Variants in HYDIN observed in about 807,000 individuals in gnomAD.
HYDIN encodes HYDIN axonemal central pair apparatus protein, also known as axonemal central pair apparatus protein HYDIN.
A neutral mutation model predicts 403.9 loss-of-function variants in HYDIN; 132 were observed. The observed-to-expected ratio is 0.33, with a 90% CI of 0.28 to 0.38. The LOEUF (loss-of-function observed/expected upper bound fraction) is 0.38. HYDIN is among the 10% of genes least tolerant of loss of function. The pLI, the probability that HYDIN is intolerant of heterozygous loss-of-function variation, is 1.00. For synonymous variants in HYDIN, 1,202 were observed against 1,891.7 expected (o/e 0.64, Z 9.46); for missense variants, 2,827 against 5,009.5 (o/e 0.56, Z 13.15).
chr16:71,074,126 C>A (rs2144320122), intron 13 of HYDIN, among the ~76,000 whole-genome samples: 1 of 152,288 alleles, frequency 6.6e-6, no homozygotes, highest in South Asian at 2.1e-4. Flanking sequence ...AGGGATAATA[C>A]TGTCAACTTT....
At chr16:71,061,809 C>T (rs1281611487) in intron 17 of HYDIN, among the ~76,000 whole-genome samples, 1 of 150,488 alleles carries the variant, frequency 6.6e-6, no homozygotes, top group Non-Finnish European at 1.5e-5. Context: ...TGGCTTCCTC[C>T]CCTCAGAGTT....
intron 18 of HYDIN, among the ~76,000 whole-genome samples, chr16:71,040,366 C>T (rs996346709): frequency 2.7e-5 from 4 of 147,596 alleles, no homozygotes; most frequent in African/African-American, 9.9e-5. Context: ...TCCTGCTGCT[C>T]TCCTGCTGGG....
At chr16:71,063,615 G>A (rs2082161220) in intron 16 of HYDIN, among the ~76,000 whole-genome samples, 1 of 152,168 alleles carries the variant, frequency 6.6e-6, no homozygotes, top group African/African-American at 2.4e-5. Flanking sequence ...GCATCTGAGT[G>A]TTAGACCTTG....
At chr16:71,057,306 T>A (rs546816927) in intron 18 of HYDIN, among the ~76,000 whole-genome samples, 39 of 150,612 alleles carry the variant, frequency 2.6e-4, no homozygotes, top group Non-Finnish European at 4.5e-4. Flanking sequence ...ATTGGAGTTG[T>A]GTGAAAACCT....
chr16:70,825,319 A>T (rs2143483315), intron 83 of HYDIN, among the ~76,000 whole-genome samples: 1 of 151,092 alleles, frequency 6.6e-6, no homozygotes, highest in South Asian at 2.1e-4. Context: ...TTTAGATGTG[A>T]GTATTTTTTT....
chr16:70,872,269 C>T, intron 64 of HYDIN, 90 bp from the exon 65 acceptor site: 1 of 556,792 alleles, frequency 1.8e-6, no homozygotes. Context: ...CACTCACATG[C>T]AGTCCTTCCA....
intron 18 of HYDIN, among the ~76,000 whole-genome samples, chr16:71,040,191 G>T (rs2081239322): frequency 6.6e-6 from 1 of 152,102 alleles, no homozygotes; most frequent in African/African-American, 2.4e-5. Context: ...GCGGTTGGCT[G>T]GTTTCAGCAC....
chr16:71,178,406 T>G (rs1425524376), intron 4 of HYDIN, among the ~76,000 whole-genome samples: 1 of 118,188 alleles, frequency 8.5e-6, no homozygotes, highest in Non-Finnish European at 1.7e-5. Context: ...GAAACAAGAG[T>G]GAAACTCTGT....
At chr16:71,203,738 G>T (rs1567448185) in intron 1 of HYDIN, 1 of 455,884 alleles carries the variant, frequency 2.2e-6, no homozygotes, top group Non-Finnish European at 4.4e-6. Context: ...TGTCTTTGCA[G>T]AGGCTCATAT....
At chr16:70,880,696 T>C (rs1487624668) in intron 60 of HYDIN, among the ~76,000 whole-genome samples, 1 of 152,206 alleles carries the variant, frequency 6.6e-6, no homozygotes. Flanking sequence ...ACTTTATCTG[T>C]TCCCAACTTG....
rs557920773 is a variant in HYDIN, at chr16:71,152,800, G to C, written c.717-17C>G. The C allele has an allele frequency of 2.8e-4, 435 of 1,569,374 alleles. 4 individuals are homozygous for C. In the Admixed American group the frequency reaches 7.7e-3, roughly 28 times the overall value. On this transcript the variant is annotated splice_polypyrimidine_tract_variant and intron_variant, in intron 6 of 85. Coordinates refer to ENST00000393567, the MANE Select transcript of HYDIN (RefSeq NM_001270974.2). ...GAGAAAGGCCTGCAACACACAGAGA[G>C]GCACATCATCAGAGCATATTTCTGA...
intron 64 of HYDIN, among the ~76,000 whole-genome samples, chr16:70,872,852 C>A (rs1199430991): frequency 2.0e-5 from 3 of 151,042 alleles, no homozygotes; most frequent in Admixed American, 1.3e-4. Context: ...CATCCACCCA[C>A]CCATCCATCC....
intron 80 of HYDIN, among the ~76,000 whole-genome samples, chr16:70,832,191 TG>T (rs1488891621): frequency 6.7e-5 from 6 of 88,962 alleles, no homozygotes; most frequent in Non-Finnish European, 2.3e-5. Context: ...TTGATGAGGA[TG>T]TGAAGTAAGT....
chr16:71,230,151 G>A (rs1361937825), intron 1 of HYDIN, among the ~76,000 whole-genome samples: 3 of 152,200 alleles, frequency 2.0e-5, no homozygotes, highest in Non-Finnish European at 2.9e-5. Flanking sequence ...CCTCAGATAT[G>A]TCTTTATTAG....
intron 78 of HYDIN, among the ~76,000 whole-genome samples, chr16:70,834,959 T>TAC (rs1204696145): frequency 5.5e-5 from 8 of 144,554 alleles, no homozygotes; most frequent in South Asian, 2.1e-4. Context: ...TGTATATATA[T>TAC]ACACACATAT....
rs755973921 is a variant in HYDIN, at chr16:70,920,965, G to C, written c.7411C>G (p.Leu2471Val). The C allele has an allele frequency of 1.3e-6, 2 of 1,598,760 alleles. No individual in the cohort carries two copies. Among genetic ancestry groups the C allele is most frequent in the Admixed American group, 3.4e-5 (2 of 58,304 alleles). The change falls in exon 46 of 86, where the codon CTC (leucine) becomes GTC (valine). Residue 2471 changes from leucine (L) to valine (V), a missense_variant. By Grantham distance (32) the Leu-to-Val change is conservative. Transcript: ENST00000393567. Reference sequence around the variant, plus strand: ...CCTTGCTTCCGGTCCCAGTACATGAGGATGTTCTGGACATCCTTCAGTGTC... The same window carrying C: ...CCTTGCTTCCGGTCCCAGTACATGACGATGTTCTGGACATCCTTCAGTGTC... ...ELTLKDVQNI[L>V]MYWDRKQGVQ...
At position 70,943,876 on chromosome 16, in the gene HYDIN, G is replaced by A; in HGVS notation, c.6605C>T (p.Thr2202Ile). 6.2e-7 allele frequency: 1 copy of A among 1,613,758 alleles called. No individual in the cohort carries two copies. Among genetic ancestry groups the A allele is most frequent in the African/African-American group, 1.3e-5 (1 of 75,062 alleles). Residue 2202 changes from threonine (T) to isoleucine (I), a missense_variant, in exon 42 of 86, where the codon ACC (threonine) becomes ATC (isoleucine). Thr to Ile is a moderately conservative substitution (Grantham distance 89). Transcript: ENST00000393567. ...LSVSPSVGGE[T>I]GLMSCVLPDE... Reference sequence around the variant, plus strand: ...CGGGAGCACACAGCTCATCAGCCCGGTCTCGCCTCCGACACTGGGACTAAC... The same window carrying A: ...CGGGAGCACACAGCTCATCAGCCCGATCTCGCCTCCGACACTGGGACTAAC...
intron 10 of HYDIN, among the ~76,000 whole-genome samples, chr16:71,102,049 T>A (rs1055286533): frequency 4.6e-5 from 7 of 152,084 alleles, no homozygotes; most frequent in African/African-American, 1.7e-4. Flanking sequence ...GCAAAACAAA[T>A]ATAGTATCAT....
At chr16:71,184,766 A>C (rs563898532) in intron 3 of HYDIN, 99 bp downstream of exon 3, 1 of 979,726 alleles carries the variant, frequency 1.0e-6, no homozygotes, top group South Asian at 2.2e-5. Context: ...AACCCAATAA[A>C]GGATTAGGTA....
Sources: gnomAD v4.1 joint callset for allele counts (sites outside exome capture counted in the v4.1 genomes callset) on GRCh38, gnomAD v4.1.1 for gene constraint, MANE v1.5 for transcripts, NCBI Gene and HGNC (gene_info 2026-07-23, HGNC 2026-07-21) for gene names.